Variants in TENM2 observed in about 807,000 individuals in gnomAD.
The protein encoded by TENM2 is teneurin transmembrane protein 2.
In TENM2, 52 loss-of-function variants were observed where a neutral mutation model predicts 245.2. That is an observed-to-expected ratio of 0.21 (90% CI 0.17 to 0.27). The LOEUF is 0.27. Ranked by LOEUF, TENM2 falls within the 10% of genes least tolerant of loss-of-function variation. TENM2 has a pLI of 1.00. For synonymous variants in TENM2, 1,363 were observed against 1,438.9 expected, an observed-to-expected ratio of 0.95 and a Z score of 1.19; for missense variants, 3,046 against 3,666.8, an observed-to-expected ratio of 0.83 and a Z score of 4.37.
At chr5:167,070,605 C>A in the TENM2 span, among the ~76,000 whole-genome samples, 1 of 151,870 alleles carries the variant, frequency 6.6e-6, no homozygotes, top group African/African-American at 2.4e-5. Context: ...TTACCACAAC[C>A]CTTTGGGTTA....
In TENM2 at chr5:167,928,102, C is replaced by T. The variant is rs1777901274; in HGVS notation, c.713-24486C>T. The stretch of plus-strand genomic sequence containing the variant: ...AATCACAACTCTTCCTCCTACTCTT[C>T]CTCCTCTCCCTCCTTCTTCTCTGGG... On this transcript the variant is annotated intron_variant, in intron 3 of 28. Coordinates refer to ENST00000518659, the Ensembl canonical transcript of TENM2. Among the ~76,000 whole-genome samples the T allele has an allele frequency of 2.6e-5, 4 of 152,154 alleles. No individual in the cohort carries two copies. In the South Asian group the frequency reaches 8.3e-4, roughly 32 times the overall value.
At chr5:167,253,772 C>T in the TENM2 span, among the ~76,000 whole-genome samples, 1 of 152,084 alleles carries the variant, frequency 6.6e-6, no homozygotes, top group East Asian at 1.9e-4. Context: ...ATAGTTGGTG[C>T]TCTATTATTT....
At chr5:167,882,145 A>C (rs975382246) in intron 3 of TENM2, among the ~76,000 whole-genome samples, 3 of 152,232 alleles carry the variant, frequency 2.0e-5, no homozygotes, top group Admixed American at 1.3e-4. Context: ...TACAACAGAC[A>C]GTGAAAGCGT....
intron 2 of TENM2, among the ~76,000 whole-genome samples, chr5:167,803,754 T>C (rs547542054): frequency 6.6e-6 from 1 of 152,258 alleles, no homozygotes; most frequent in African/African-American, 2.4e-5. Context: ...CAGATCTCTT[T>C]ATGGTGGTCT....
At chr5:167,259,066 G>T in the TENM2 span, among the ~76,000 whole-genome samples, 1 of 152,166 alleles carries the variant, frequency 6.6e-6, no homozygotes, top group African/African-American at 2.4e-5. Flanking sequence ...ATAGGCCTGG[G>T]ATGGGACAGC....
chr5:167,352,608 C>T (rs1414413913), intron 1 of TENM2, among the ~76,000 whole-genome samples: 3 of 152,064 alleles, frequency 2.0e-5, no homozygotes, highest in Non-Finnish European at 4.4e-5. Context: ...GCTTCTGCTC[C>T]GAATTAATTT....
chr5:167,997,117 A>T (rs1432043080), intron 5 of TENM2, among the ~76,000 whole-genome samples: 1 of 152,208 alleles, frequency 6.6e-6, no homozygotes, highest in Non-Finnish European at 1.5e-5. Context: ...AGAAAATAAA[A>T]TCTGCATATT....
intron 2 of TENM2, among the ~76,000 whole-genome samples, chr5:167,426,372 T>G (rs1337587964): frequency 6.6e-6 from 1 of 152,080 alleles, no homozygotes; most frequent in African/African-American, 2.4e-5. Flanking sequence ...TAGTCCCAGC[T>G]GTTCAGGAGG....
rs1032263088 is a variant in TENM2, at chr5:167,772,277, A to T, written c.503-103709A>T. On this transcript the variant is annotated intron_variant, in intron 2 of 28. Coordinates refer to ENST00000518659, the Ensembl canonical transcript of TENM2. ...GAGAAAATAATATATCAAAAATATT[A>T]TAATAATTGCTGGAATTTAATGGAG... 2.0e-5 allele frequency among the ~76,000 whole-genome samples: 3 copies of T among 152,360 alleles called. No homozygotes were observed. The South Asian group carries it at 6.2e-4, about 32-fold the overall frequency.
chr5:167,900,599 G>A (rs937373594), intron 3 of TENM2, among the ~76,000 whole-genome samples: 10 of 152,224 alleles, frequency 6.6e-5, no homozygotes, highest in Non-Finnish European at 1.3e-4. Context: ...CATCGAAAAT[G>A]AGCCTGGATA....
chr5:167,954,949 G>C (rs1041813193), intron 4 of TENM2, among the ~76,000 whole-genome samples: 3 of 151,960 alleles, frequency 2.0e-5, no homozygotes, highest in African/African-American at 7.3e-5. Flanking sequence ...TGTCTTTATA[G>C]TAGAATGATT....
chr5:167,274,637 G>C, the TENM2 span, among the ~76,000 whole-genome samples: 1 of 149,278 alleles, frequency 6.7e-6, no homozygotes, highest in African/African-American at 2.5e-5. Context: ...CTGCATGAGT[G>C]ATCCAGTTTT....
chr5:167,598,896 G>A (rs985853511), intron 2 of TENM2, among the ~76,000 whole-genome samples: 11 of 152,230 alleles, frequency 7.2e-5, no homozygotes, highest in Middle Eastern at 3.4e-3. Context: ...CCTCCATCAC[G>A]AAAGTTCTTA....
At chr5:168,150,512 C>T (rs1756551358) in intron 12 of TENM2, among the ~76,000 whole-genome samples, 1 of 152,212 alleles carries the variant, frequency 6.6e-6, no homozygotes, top group Admixed American at 6.5e-5. Flanking sequence ...TTAGAAATCC[C>T]ATTTTGTTTC....
chr5:167,426,531 G>C (rs1449602969), intron 2 of TENM2, among the ~76,000 whole-genome samples: 1 of 121,192 alleles, frequency 8.3e-6, no homozygotes, highest in Non-Finnish European at 1.6e-5. Flanking sequence ...GCAACATAGT[G>C]ACACCTTGCC....
chr5:167,780,604 A>C lies in TENM2; in HGVS notation c.503-95382A>C, dbSNP rs540297858. Among the ~76,000 whole-genome samples, 5 of 152,290 alleles carry C rather than the reference A, an allele frequency of 3.3e-5. No homozygotes were observed. The South Asian group carries it at 1.0e-3, about 32-fold the overall frequency. The stretch of plus-strand genomic sequence containing the variant: ...ACAGAGGAAATACATGTGTTGGATG[A>C]GTTTCGTTCAGGCCTGAGTTGCAGT... On this transcript the variant is annotated intron_variant, in intron 2 of 28. Coordinates refer to ENST00000518659, the Ensembl canonical transcript of TENM2.
At chr5:168,051,147 A>G (rs1412358403) in intron 6 of TENM2, among the ~76,000 whole-genome samples, 1 of 152,224 alleles carries the variant, frequency 6.6e-6, no homozygotes. Context: ...AGGGCGCATC[A>G]TACGTACCCA....
chr5:168,228,661 A>AAAAG (rs1463261754), intron 25 of TENM2, among the ~76,000 whole-genome samples: 4 of 152,308 alleles, frequency 2.6e-5, no homozygotes, highest in Non-Finnish European at 5.9e-5. Context: ...AGGTTAAGTG[A>AAAAG]AAAGACAGAG....
intron 3 of TENM2, among the ~76,000 whole-genome samples, chr5:167,902,629 G>C (rs1027196244): frequency 1.3e-5 from 2 of 152,174 alleles, no homozygotes; most frequent in African/African-American, 4.8e-5. Flanking sequence ...GAAATGGAAT[G>C]AGTTGTATAA....
Sources: allele counts gnomAD v4.1 joint callset (sites outside exome capture counted in the v4.1 genomes callset), GRCh38; gene constraint gnomAD v4.1.1; transcripts MANE v1.5; gene names NCBI Gene and HGNC (gene_info 2026-07-23, HGNC 2026-07-21).